CADM2: variants seen among roughly 807,000 people sequenced by gnomAD.
The protein encoded by CADM2 is cell adhesion molecule 2, also known as immunoglobulin superfamily member 4D.
Under a neutral mutation model 49.8 loss-of-function variants are expected in CADM2, and 12 were observed. The observed-to-expected ratio is 0.24, with a 90% CI of 0.15 to 0.39. The LOEUF is 0.39. Among genes scored for constraint, CADM2 ranks in the 10% least tolerant of loss-of-function variants. CADM2 has a pLI of 1.00. For synonymous variants in CADM2, 214 were observed against 175.4 expected, an observed-to-expected ratio of 1.22 and a Z score of -1.74; for missense variants, 378 against 492.3, an observed-to-expected ratio of 0.77 and a Z score of 2.20.
intron 1 of CADM2, among the ~76,000 whole-genome samples, chr3:85,725,327 C>T (rs180950385): frequency 1.0e-3 from 153 of 151,742 alleles, no homozygotes; most frequent in Middle Eastern, 3.4e-3. Flanking sequence ...TTTTTTAGCT[C>T]CAGGCAACTT....
chr3:85,462,307 A>C (rs1396094549), intron 1 of CADM2, among the ~76,000 whole-genome samples: 1 of 152,194 alleles, frequency 6.6e-6, no homozygotes, highest in Non-Finnish European at 1.5e-5. Context: ...TCCCCCAGGA[A>C]TAGAACAGCT....
At chr3:85,445,855 T>C (rs1251091226) in intron 1 of CADM2, among the ~76,000 whole-genome samples, 1 of 152,242 alleles carries the variant, frequency 6.6e-6, no homozygotes, top group Non-Finnish European at 1.5e-5. Context: ...GAATAAATCT[T>C]TTTTTGAAAC....
intron 1 of CADM2, among the ~76,000 whole-genome samples, chr3:85,604,234 T>A (rs1257899469): frequency 6.6e-6 from 1 of 151,836 alleles, no homozygotes; most frequent in African/African-American, 2.4e-5. Flanking sequence ...CTAGGCAGAG[T>A]AAATGAAAAT....
intron 1 of CADM2, among the ~76,000 whole-genome samples, chr3:85,144,245 GCACACACACA>G (rs3083491): frequency 6.7e-6 from 1 of 148,936 alleles, no homozygotes; most frequent in Non-Finnish European, 1.5e-5. Flanking sequence ...TGTTACACAC[GCACACACACA>G]CACACACACA....
intron 7 of CADM2, among the ~76,000 whole-genome samples, chr3:85,952,325 T>A (rs1723537060): frequency 6.6e-6 from 1 of 151,010 alleles, no homozygotes; most frequent in Admixed American, 6.6e-5. Flanking sequence ...TTTTCTTATT[T>A]TCTAAGTGAG....
intron 1 of CADM2, among the ~76,000 whole-genome samples, chr3:85,604,046 C>T (rs901680535): frequency 2.0e-5 from 3 of 151,798 alleles, no homozygotes; most frequent in Non-Finnish European, 4.4e-5. Context: ...ATACTCAGAA[C>T]GTGTTGTTTT....
chr3:85,770,326 G>C lies in CADM2; in HGVS notation c.89-31721G>C, dbSNP rs968235504. Reference sequence around the variant, plus strand: ...ACATATCAATTTTTTGTTGTTGTTTGAGATAGGGCCTCGCTCTGTCACCTG... The same window carrying C: ...ACATATCAATTTTTTGTTGTTGTTTCAGATAGGGCCTCGCTCTGTCACCTG... On this transcript the variant is annotated intron_variant, in intron 2 of 9. Coordinates refer to ENST00000383699, the MANE Select transcript of CADM2 (RefSeq NM_001167675.2). Among the ~76,000 whole-genome samples the C allele has an allele frequency of 6.8e-4, 104 of 151,952 alleles. 1 individual carries two copies. The highest frequency in any genetic ancestry group is 8.5e-4 in the Non-Finnish European group (58 of 67,984).
chr3:85,030,154 C>G (rs1007516363), intron 1 of CADM2, among the ~76,000 whole-genome samples: 3 of 152,210 alleles, frequency 2.0e-5, no homozygotes, highest in Non-Finnish European at 4.4e-5. Context: ...CTGACTACCT[C>G]TCAACCTTGA....
At chr3:85,389,056 T>G (rs2034390803) in intron 1 of CADM2, among the ~76,000 whole-genome samples, 1 of 152,114 alleles carries the variant, frequency 6.6e-6, no homozygotes, top group African/African-American at 2.4e-5. Flanking sequence ...TGGGTTATAT[T>G]TAAAACAAAG....
At chr3:85,049,734 A>T (rs988929069) in intron 1 of CADM2, among the ~76,000 whole-genome samples, 1 of 152,204 alleles carries the variant, frequency 6.6e-6, no homozygotes, top group African/African-American at 2.4e-5. Flanking sequence ...TAGATTGCAG[A>T]AAACAGCTTT....
At chr3:85,328,230 AACTGTTGT>A (rs1707322597) in intron 1 of CADM2, among the ~76,000 whole-genome samples, 2 of 152,164 alleles carry the variant, frequency 1.3e-5, no homozygotes, top group African/African-American at 4.8e-5. Context: ...TGTAGGTCAA[AACTGTTGT>A]GACCATGAAG....
intron 1 of CADM2, among the ~76,000 whole-genome samples, chr3:85,260,742 G>T (rs1397876822): frequency 2.0e-5 from 3 of 151,962 alleles, no homozygotes; most frequent in Non-Finnish European, 4.4e-5. Context: ...CTTAGTGATG[G>T]GTATCATCTT....
At chr3:85,914,365 A>G (rs1718009162) in intron 6 of CADM2, among the ~76,000 whole-genome samples, 1 of 152,132 alleles carries the variant, frequency 6.6e-6, no homozygotes, top group South Asian at 2.1e-4. Flanking sequence ...CTTGAACTTA[A>G]GTCAAGTTCA....
At chr3:85,938,703 G>A (rs543130399) in intron 7 of CADM2, among the ~76,000 whole-genome samples, 78 of 152,002 alleles carry the variant, frequency 5.1e-4, no homozygotes, top group African/African-American at 1.8e-3. Context: ...GAACCACTGA[G>A]AAGCAATACT....
chr3:85,236,649 T>A (rs138989671), intron 1 of CADM2, among the ~76,000 whole-genome samples: 898 of 152,268 alleles, frequency 5.9e-3, no homozygotes, highest in Middle Eastern at 0.01. Context: ...TTTGGTGACA[T>A]GTGAATGAAA....
At chr3:86,050,492 G>A (rs1246956780) in intron 8 of CADM2, among the ~76,000 whole-genome samples, 2 of 152,178 alleles carry the variant, frequency 1.3e-5, no homozygotes, top group Non-Finnish European at 2.9e-5. Flanking sequence ...GTGCCCCAGT[G>A]GGGACTCTGT....
chr3:85,861,681 A>G (rs879870888), intron 3 of CADM2, among the ~76,000 whole-genome samples: 2 of 152,164 alleles, frequency 1.3e-5, no homozygotes, highest in Non-Finnish European at 2.9e-5. Flanking sequence ...TGATGGTGAT[A>G]GTAATAAGAG....
chr3:85,129,967 G>A (rs1338143566), intron 1 of CADM2, among the ~76,000 whole-genome samples: 2 of 152,128 alleles, frequency 1.3e-5, no homozygotes, highest in Non-Finnish European at 1.5e-5. Context: ...CCCTCACTGT[G>A]TGATAAACAG....
intron 6 of CADM2, among the ~76,000 whole-genome samples, chr3:85,916,810 T>A (rs983897703): frequency 5.3e-5 from 8 of 152,118 alleles, no homozygotes; most frequent in Admixed American, 5.2e-4. Flanking sequence ...TGTTTCTATT[T>A]CTCCATATCC....
Sources: gnomAD v4.1 joint callset for allele counts (sites outside exome capture counted in the v4.1 genomes callset) on GRCh38, gnomAD v4.1.1 for gene constraint, MANE v1.5 for transcripts, NCBI Gene and HGNC (gene_info 2026-07-23, HGNC 2026-07-21) for gene names.